PSMD1: variants seen among roughly 807,000 people sequenced by gnomAD.
The protein encoded by PSMD1 is 26S proteasome non-ATPase regulatory subunit 1.
In PSMD1, 18 loss-of-function variants were observed where a neutral mutation model predicts 119.0. The ratio of observed to expected loss-of-function variants is 0.15; its 90% CI spans 0.10 to 0.22. PSMD1 has a LOEUF of 0.22. Ranked by LOEUF, PSMD1 falls within the 10% of genes least tolerant of loss-of-function variation. The pLI is 1.00. For missense variants in PSMD1, 702 were observed against 1,158.5 expected (o/e 0.61, Z 5.72); for synonymous variants, 374 against 396.6 (o/e 0.94, Z 0.68).
intron 16 of PSMD1, among the ~76,000 whole-genome samples, chr2:231,130,363 C>G (rs1695825036): frequency 6.6e-6 from 1 of 152,182 alleles, no homozygotes; most frequent in Admixed American, 6.5e-5. Context: ...AAATTGTCTA[C>G]CAAGTATTGA....
At chr2:231,118,864 C>T (rs769590181) in intron 16 of PSMD1, among the ~76,000 whole-genome samples, 83 of 152,178 alleles carry the variant, frequency 5.5e-4, no homozygotes, top group Non-Finnish European at 1.1e-3. Context: ...GTACTCAGTT[C>T]ATGAACTTAT....
intron 5 of PSMD1, among the ~76,000 whole-genome samples, chr2:231,068,896 T>C (rs1310775590): frequency 6.6e-6 from 1 of 152,110 alleles, no homozygotes; most frequent in African/African-American, 2.4e-5. Flanking sequence ...AGAAAAAAAA[T>C]TGTGCTGAGG....
At chr2:231,096,471 A>G (rs62193724) in intron 16 of PSMD1, among the ~76,000 whole-genome samples, 53 of 152,260 alleles carry the variant, frequency 3.5e-4, no homozygotes, top group Middle Eastern at 3.4e-3. Flanking sequence ...ACTGGGACCC[A>G]TTGCCCTTCT....
intron 24 of PSMD1, among the ~76,000 whole-genome samples, chr2:231,171,277 A>G (rs764608003): frequency 1.3e-5 from 2 of 152,136 alleles, no homozygotes; most frequent in East Asian, 1.9e-4. Context: ...TTGAATATCT[A>G]CTGTGTATAA....
rs768666327 is a variant in PSMD1 at position 231,067,025 on chromosome 2, C to T, written c.424C>T (p.Leu142=). 1 of 1,613,874 alleles carries T rather than the reference C, an allele frequency of 6.2e-7. No homozygotes were observed. Among genetic ancestry groups the T allele is most frequent in the East Asian group, 2.2e-5 (1 of 44,862 alleles). ...CGTAAATAAAATGTTCCAGCGATGT[C>T]TAGATGATCACAAGTATAAACAGGC... ...GIVNKMFQRC[L]DDHKYKQAIG... The change falls in exon 5 of 25, where the codon CTA becomes TTA. Residue 142 remains leucine (L), a synonymous_variant. Transcript: ENST00000308696.
chr2:231,079,403 A>G (rs78276195), intron 10 of PSMD1, 133 bp from the exon 11 acceptor site: 1 of 492,662 alleles, frequency 2.0e-6, no homozygotes, highest in Admixed American at 3.8e-5. Context: ...TAGAATCAGT[A>G]GTAACTTGAG....
At chr2:231,092,937 C>A (rs1036216162) in intron 16 of PSMD1, among the ~76,000 whole-genome samples, 4 of 152,188 alleles carry the variant, frequency 2.6e-5, no homozygotes, top group Non-Finnish European at 5.9e-5. Flanking sequence ...ACTTTTATAA[C>A]TAATGCACAG....
chr2:231,071,347 T>C (rs577094173), intron 6 of PSMD1, among the ~76,000 whole-genome samples: 2 of 152,194 alleles, frequency 1.3e-5, no homozygotes, highest in East Asian at 3.9e-4. Context: ...TTCATGTGAT[T>C]TAAAATTCAA....
chr2:231,095,212 A>T (rs905607251), intron 16 of PSMD1, among the ~76,000 whole-genome samples: 3 of 152,164 alleles, frequency 2.0e-5, no homozygotes, highest in African/African-American at 7.2e-5. Context: ...GCCCTTTAGG[A>T]TGGAAAACAG....
chr2:231,122,063 T>G (rs1479689928), intron 16 of PSMD1, among the ~76,000 whole-genome samples: 2 of 152,134 alleles, frequency 1.3e-5, no homozygotes, highest in Admixed American at 1.3e-4. Flanking sequence ...TATAGTAAGA[T>G]TTCTTAATTA....
At chr2:231,065,459 ATT>A (rs58929120) in intron 4 of PSMD1, among the ~76,000 whole-genome samples, 1 of 141,022 alleles carries the variant, frequency 7.1e-6, no homozygotes. Context: ...CACCCGGCTA[ATT>A]TTTTTTTTTT....
chr2:231,067,523 C>T (rs1693937351), intron 5 of PSMD1, among the ~76,000 whole-genome samples: 1 of 152,346 alleles, frequency 6.6e-6, no homozygotes, highest in East Asian at 1.9e-4. Context: ...GGACATTGAT[C>T]TGCAGGCTTA....
At chr2:231,057,276 C>T (rs1057291477) in intron 1 of PSMD1, among the ~76,000 whole-genome samples, 3 of 152,138 alleles carry the variant, frequency 2.0e-5, no homozygotes, top group Non-Finnish European at 4.4e-5. Flanking sequence ...TCCCCAATCA[C>T]ACCCCAGCGC....
chr2:231,082,687 A>C (rs574074858), intron 12 of PSMD1, among the ~76,000 whole-genome samples, 196 bp from the exon 13 acceptor site: 3 of 152,228 alleles, frequency 2.0e-5, no homozygotes, highest in Admixed American at 6.5e-5. Context: ...CCTGGGCGAC[A>C]AGAGCGAAAC....
chr2:231,060,632 G>A (rs1415371898), intron 1 of PSMD1, among the ~76,000 whole-genome samples: 1 of 152,162 alleles, frequency 6.6e-6, no homozygotes, highest in Non-Finnish European at 1.5e-5. Context: ...GGAGAACACT[G>A]TGCTTGGGTA....
chr2:231,060,505 T>C (rs1186598536), intron 1 of PSMD1: 1 of 152,236 alleles, frequency 6.6e-6, no homozygotes, highest in East Asian at 1.9e-4. Flanking sequence ...ATATCATTTT[T>C]CCAATAATCC....
At chr2:231,118,877 C>T (rs184157188) in intron 16 of PSMD1, among the ~76,000 whole-genome samples, 22 of 152,292 alleles carry the variant, frequency 1.4e-4, no homozygotes, top group Admixed American at 3.9e-4. Flanking sequence ...GAACTTATTG[C>T]AGCAGGACAA....
intron 16 of PSMD1, chr2:231,114,020 T>G: frequency 1.0e-6 from 1 of 983,994 alleles, no homozygotes; most frequent in South Asian, 1.4e-5. Flanking sequence ...TTTTGTCTTT[T>G]TTGTTACTCA....
intron 4 of PSMD1, among the ~76,000 whole-genome samples, chr2:231,063,464 A>C (rs1358302567): frequency 6.6e-6 from 1 of 152,216 alleles, no homozygotes; most frequent in Non-Finnish European, 1.5e-5. Flanking sequence ...TGTGCAGTGC[A>C]GATATTTCAC....
Sources: allele counts gnomAD v4.1 joint callset (sites outside exome capture counted in the v4.1 genomes callset), GRCh38; gene constraint gnomAD v4.1.1; transcripts MANE v1.5; gene names NCBI Gene and HGNC (gene_info 2026-07-23, HGNC 2026-07-21).